TTLL9: variants seen among roughly 807,000 people sequenced by gnomAD.
The protein encoded by TTLL9 is probable tubulin polyglutamylase TTLL9.
In TTLL9, 47 loss-of-function variants were observed where a neutral mutation model predicts 65.6. The ratio of observed to expected loss-of-function variants is 0.72; its 90% CI spans 0.57 to 0.91. The LOEUF (loss-of-function observed/expected upper bound fraction) is 0.91. Ranked by LOEUF, TTLL9 falls within the 40% of genes least tolerant of loss-of-function variation. The probability of loss-of-function intolerance (pLI) is 0.00; values close to 1 mark genes in which losing one functional copy is unlikely to be tolerated. For missense variants in TTLL9, 537 were observed against 568.8 expected, an observed-to-expected ratio of 0.94 and a Z score of 0.57; for synonymous variants, 179 against 204.8, an observed-to-expected ratio of 0.87 and a Z score of 1.07.
At chr20:31,896,280 CT>C (rs1330009495) in intron 3 of TTLL9, among the ~76,000 whole-genome samples, 1 of 152,190 alleles carries the variant, frequency 6.6e-6, no homozygotes, top group Non-Finnish European at 1.5e-5. Flanking sequence ...GCCCGGCCCC[CT>C]GGCCCTATTT....
In TTLL9 at chr20:31,915,170, G is replaced by A. The variant is rs148983942; in HGVS notation, c.505-4694G>A. Among the ~76,000 whole-genome samples the A allele has an allele frequency of 3.9e-5, 6 of 152,308 alleles. No homozygotes were observed. In the South Asian group the frequency reaches 1.0e-3, roughly 26 times the overall value. On this transcript the variant is annotated intron_variant, in intron 6 of 14. Transcript: ENST00000535842. ...ATGGCTAACACTCCTATGATTTGTTGCATTCCTAATAGAAAGGAATGTGAA... is the reference window on the plus strand; with the variant it reads ...ATGGCTAACACTCCTATGATTTGTTACATTCCTAATAGAAAGGAATGTGAA...
At chr20:31,901,920 G>A (rs1398915261) in intron 4 of TTLL9, among the ~76,000 whole-genome samples, 5 of 152,084 alleles carry the variant, frequency 3.3e-5, no homozygotes, top group Non-Finnish European at 1.5e-5. Flanking sequence ...CGCACCACCT[G>A]GCAAGGTATT....
Position 31,935,806 on chromosome 20 carries a change from C to T in TTLL9, c.1004+918C>T, listed in dbSNP as rs537946842. Among the ~76,000 whole-genome samples the T allele has an allele frequency of 8.5e-5, 13 of 152,300 alleles. No individual in the cohort carries two copies. The East Asian group carries it at 2.3e-3, about 27-fold the overall frequency. On this transcript the variant is annotated intron_variant, in intron 12 of 14. Coordinates refer to ENST00000535842, the MANE Select transcript of TTLL9 (RefSeq NM_001008409.5). ...TAGGGGAGGGACCTCAGTTAATCGCCACCTGGCCTGCTGAGACCCCTAAAC... is the reference window on the plus strand; with the variant it reads ...TAGGGGAGGGACCTCAGTTAATCGCTACCTGGCCTGCTGAGACCCCTAAAC...
intron 6 of TTLL9, 46 bp from the exon 7 acceptor site, chr20:31,919,818 A>G (rs371609026): frequency 4.0e-5 from 60 of 1,502,086 alleles, no homozygotes; most frequent in Non-Finnish European, 5.2e-5. Context: ...CCAACAAGGA[A>G]CCACGCAGAG....
intron 2 of TTLL9, chr20:31,879,598 GT>G: frequency 2.2e-6 from 1 of 450,338 alleles, no homozygotes; most frequent in Non-Finnish European, 4.0e-6. Context: ...TGGAGGCGGC[GT>G]GGGGCAGAGG....
At chr20:31,907,942 G>A (rs899187236) in intron 4 of TTLL9, among the ~76,000 whole-genome samples, 1 of 152,102 alleles carries the variant, frequency 6.6e-6, no homozygotes, top group East Asian at 1.9e-4. Flanking sequence ...CCGCACCCCA[G>A]CTCTGGCACC....
At chr20:31,892,516 G>A (rs1202904568) in intron 3 of TTLL9, among the ~76,000 whole-genome samples, 1 of 152,190 alleles carries the variant, frequency 6.6e-6, no homozygotes, top group Non-Finnish European at 1.5e-5. Flanking sequence ...AAAATGTACT[G>A]AGATGAGTAG....
chr20:31,914,562 C>T (rs35258121), intron 6 of TTLL9, among the ~76,000 whole-genome samples: 11,117 of 152,116 alleles, frequency 0.073, 422 homozygotes, highest in Middle Eastern at 0.22. Flanking sequence ...CCCCAAGAAA[C>T]GGATGCCAAG....
At chr20:31,923,805 C>A (rs2123572190) in intron 8 of TTLL9, among the ~76,000 whole-genome samples, 1 of 152,182 alleles carries the variant, frequency 6.6e-6, no homozygotes, top group East Asian at 1.9e-4. Flanking sequence ...AGGGGGCAGC[C>A]CCTGGGCCTC....
intron 2 of TTLL9, among the ~76,000 whole-genome samples, chr20:31,881,414 A>ACTGGGACTGTT (rs2063116653): frequency 6.6e-6 from 1 of 151,038 alleles, no homozygotes; most frequent in African/African-American, 2.4e-5. Flanking sequence ...CAGCTAAAAA[A>ACTGGGACTGTT]CTGGGACTGT....
chr20:31,914,263 AACAAGAGGGCAAG>A (rs2063699378), intron 6 of TTLL9, among the ~76,000 whole-genome samples: 1 of 152,210 alleles, frequency 6.6e-6, no homozygotes, highest in East Asian at 1.9e-4. Context: ...CAGTAGCTTA[AACAAGAGGGCAAG>A]ACTTCTGTAC....
chr20:31,877,406 T>A (rs543633203), intron 2 of TTLL9, among the ~76,000 whole-genome samples: 1 of 152,318 alleles, frequency 6.6e-6, no homozygotes. Context: ...GTGCTGAGAT[T>A]ACAGGCGTGA....
chr20:31,926,021 G>T, intron 9 of TTLL9, 28 bp from the exon 10 acceptor site: 1 of 1,613,616 alleles, frequency 6.2e-7, no homozygotes, highest in Non-Finnish European at 8.5e-7. Context: ...ACTCTGGCCA[G>T]TCCCAAGTGA....
chr20:31,872,173 G>A (rs564173872), intron 2 of TTLL9, among the ~76,000 whole-genome samples: 1 of 152,172 alleles, frequency 6.6e-6, no homozygotes, highest in Admixed American at 6.5e-5. Flanking sequence ...TTTCTATGAA[G>A]GAAACAAAGC....
At chr20:31,904,350 CTTTTTTTTTTT>C (rs71185374) in intron 4 of TTLL9, among the ~76,000 whole-genome samples, 2 of 81,766 alleles carry the variant, frequency 2.4e-5, no homozygotes, top group African/African-American at 4.7e-5. Flanking sequence ...TTTGATAATT[CTTTTTTTTTTT>C]TTTTTTTTTT....
At chr20:31,912,119 C>T (rs984000580) in intron 6 of TTLL9, among the ~76,000 whole-genome samples, 1 of 152,194 alleles carries the variant, frequency 6.6e-6, no homozygotes, top group African/African-American at 2.4e-5. Context: ...ACGTTCGACA[C>T]ATGAATTTAC....
intron 3 of TTLL9, among the ~76,000 whole-genome samples, chr20:31,894,574 C>T (rs1476146967): frequency 1.3e-5 from 2 of 152,008 alleles, no homozygotes; most frequent in Middle Eastern, 3.2e-3. Flanking sequence ...CATTTCCCTG[C>T]TTTGCTATTG....
At chr20:31,923,669 C>T (rs1177377461) in intron 8 of TTLL9, among the ~76,000 whole-genome samples, 3 of 152,162 alleles carry the variant, frequency 2.0e-5, no homozygotes, top group African/African-American at 4.8e-5. Context: ...TTTCCCCAGG[C>T]GGGCCAACAT....
intron 2 of TTLL9, among the ~76,000 whole-genome samples, chr20:31,876,251 A>C (rs2063035837): frequency 6.6e-6 from 1 of 152,206 alleles, no homozygotes; most frequent in Non-Finnish European, 1.5e-5. Context: ...GTTCGAGACC[A>C]GCCTGGCCAA....
Sources: gnomAD v4.1 joint callset for allele counts (sites outside exome capture counted in the v4.1 genomes callset) on GRCh38, gnomAD v4.1.1 for gene constraint, MANE v1.5 for transcripts, NCBI Gene and HGNC (gene_info 2026-07-23, HGNC 2026-07-21) for gene names.